The following KIR2DL1 variants were observed in gnomAD, a reference collection of about 807,000 sequenced individuals.
The protein encoded by KIR2DL1 is killer cell immunoglobulin like receptor, two Ig domains and long cytoplasmic tail 1.
KIR2DL1 carries 38 observed loss-of-function variants against 33.9 expected under a neutral mutation model. That is an observed-to-expected ratio of 1.12 (90% confidence interval 0.86 to 1.47). The LOEUF is 1.47. Ranked by LOEUF, KIR2DL1 falls within the 40% of genes most tolerant of loss-of-function variation. KIR2DL1 has a pLI of 0.00. For missense variants in KIR2DL1, 531 were observed against 433.9 expected (o/e 1.22, Z -1.99); for synonymous variants, 179 against 165.9 (o/e 1.08, Z -0.61).
At chr19:54,781,532 A>G (rs1470670056) in intron 5 of KIR2DL1, among the ~76,000 whole-genome samples, 150,333 of 150,336 alleles carry the variant, frequency 1, 75,165 homozygotes, top group Non-Finnish European at 1. Flanking sequence ...ACACTCCTTG[A>G]AGTGAGTCCA....
intron 5 of KIR2DL1, chr19:54,780,109 G>C (rs1212213316): frequency 3.1e-4 from 157 of 504,120 alleles, no homozygotes; most frequent in African/African-American, 9.2e-4. Flanking sequence ...TCACCACGTT[G>C]GCCAAGCTTG....
chr19:54,776,182 G>GCA (rs1266287824), intron 4 of KIR2DL1, among the ~76,000 whole-genome samples: 18,903 of 132,708 alleles, frequency 0.14, 231 homozygotes, highest in South Asian at 0.24. Flanking sequence ...GGGCCACCAG[G>GCA]CCCAGCCACA....
Position 54,773,527 on chromosome 19 carries a change from C to A in KIR2DL1, c.265C>A (p.Arg89Ser). The A allele has an allele frequency of 1.3e-6, 2 of 1,583,834 alleles. No individual in the cohort carries two copies. Among genetic ancestry groups the A allele is most frequent in the Non-Finnish European group, 1.7e-6 (2 of 1,155,776 alleles). The stretch of plus-strand genomic sequence containing the variant: ...CTCCAAGGCCAACTTCTCCATCAGT[C>A]GCATGACGCAAGACCTGGCAGGGAC... ...GVSKANFSISRMTQDLAGTYR... is the reference protein window; with the variant it reads ...GVSKANFSISSMTQDLAGTYR... Residue 89 changes from arginine (R) to serine (S), a missense_variant, in exon 3 of 8, where the codon CGC (arginine) becomes AGC (serine). Transcript: ENST00000336077.
intron 2 of KIR2DL1, among the ~76,000 whole-genome samples, chr19:54,772,474 T>A (rs1295361137): frequency 6.9e-6 from 1 of 145,738 alleles, no homozygotes; most frequent in Non-Finnish European, 1.5e-5. Flanking sequence ...CCTGGTGCCA[T>A]GCTTCTGATA....
intron 2 of KIR2DL1, among the ~76,000 whole-genome samples, chr19:54,772,708 A>T (rs1274873009): frequency 7.7e-6 from 1 of 129,728 alleles, no homozygotes; most frequent in African/African-American, 2.9e-5. Flanking sequence ...TCTGTCGCCA[A>T]AATTAATTAA....
At chr19:54,771,952 G>T (rs547535857) in intron 2 of KIR2DL1, among the ~76,000 whole-genome samples, 1 of 147,936 alleles carries the variant, frequency 6.8e-6, no homozygotes, top group Non-Finnish European at 1.5e-5. Context: ...CAGAGCTCCT[G>T]GTGGGCGTGT....
chr19:54,779,100 C>G (rs1391828430), intron 5 of KIR2DL1, among the ~76,000 whole-genome samples: 1 of 147,676 alleles, frequency 6.8e-6, no homozygotes, highest in Admixed American at 6.9e-5. Flanking sequence ...GAGAAAGAGC[C>G]TTGCCGTAAC....
intron 7 of KIR2DL1, 26 bp downstream of exon 7, chr19:54,783,564 T>C: frequency 6.2e-7 from 1 of 1,613,940 alleles, no homozygotes; most frequent in Non-Finnish European, 8.5e-7. Context: ...CCCGGGCTCG[T>C]GGCTACTGTT....
intron 4 of KIR2DL1, among the ~76,000 whole-genome samples, chr19:54,778,354 A>G (rs62122989): frequency 0.14 from 19,209 of 133,808 alleles, 51 homozygotes; most frequent in South Asian, 0.24. Flanking sequence ...CTTTATGCCA[A>G]TGTCATGCTA....
chr19:54,784,169 G>T lies in KIR2DL1; in HGVS notation c.*356G>T, dbSNP rs544948815. ...AACATACAAGAGGCTCCCTCTTAAC[G>T]CAGCACTTAGACACGTGTTGTTCCA... is the stretch of plus-strand genomic sequence containing the variant. On this transcript the variant is annotated 3_prime_UTR_variant, in exon 8 of 8. Coordinates refer to ENST00000336077, the MANE Select transcript of KIR2DL1 (RefSeq NM_014218.3). The T allele has an allele frequency of 1.1e-5, 5 of 455,574 alleles. No individual in the cohort carries two copies. Among genetic ancestry groups the T allele is most frequent in the Non-Finnish European group, 2.0e-5 (5 of 252,788 alleles). The allele number at this position is 455,574 out of a possible 1,614,324, so 28.2% of individuals were successfully genotyped here. A position where few individuals can be genotyped will look rare whatever the true frequency, so the allele number is the denominator to read the frequency against.
intron 4 of KIR2DL1, among the ~76,000 whole-genome samples, chr19:54,778,000 C>G (rs1396789155): frequency 6.7e-6 from 1 of 148,496 alleles, no homozygotes; most frequent in Non-Finnish European, 1.5e-5. Context: ...GTGGCTAACA[C>G]CTGCAATTTC....
At chr19:54,774,062 C>T (rs1353684057) in intron 3 of KIR2DL1, among the ~76,000 whole-genome samples, 1 of 148,648 alleles carries the variant, frequency 6.7e-6, no homozygotes, top group African/African-American at 2.5e-5. Flanking sequence ...GTGGCACCTA[C>T]AGATGCCATG....
At position 54,783,173 on chromosome 19, in the gene KIR2DL1, T is replaced by C. The variant is rs2077236749; in HGVS notation, c.817+150T>C. 4 of 916,462 alleles carry C rather than the reference T, an allele frequency of 4.4e-6. No homozygotes were observed. The Admixed American group carries it at 9.0e-5, about 21-fold the overall frequency. 56.8% of individuals were successfully genotyped at this position (916,462 alleles called of 1,614,324 possible). A position where few individuals can be genotyped will look rare whatever the true frequency, so the allele number is the denominator to read the frequency against. ...GGACTTTCTAGAGAGGGCACCAGACTCCCTGTCCCTGCCTTCAACTCACAG... is the reference window on the plus strand; with the variant it reads ...GGACTTTCTAGAGAGGGCACCAGACCCCCTGTCCCTGCCTTCAACTCACAG... On this transcript the variant is annotated intron_variant, in intron 6 of 7. Transcript: ENST00000336077.
At position 54,771,196 on chromosome 19, in the gene KIR2DL1, G is replaced by A. The variant is rs928215612; in HGVS notation, c.70+312G>A. 4.8e-4 allele frequency among the ~76,000 whole-genome samples: 72 copies of A among 148,722 alleles called. 5 individuals carry two copies. The highest frequency in any genetic ancestry group is 1.6e-3 in the African/African-American group (65 of 40,872). On this transcript the variant is annotated intron_variant, in intron 2 of 7. Coordinates refer to ENST00000336077, the MANE Select transcript of KIR2DL1 (RefSeq NM_014218.3). Reference sequence around the variant, plus strand: ...CGTTTCCATGACGGTAGGGGCTGCAGTGTGGCTGCTGTCATTCTACCAGAA... The same window carrying A: ...CGTTTCCATGACGGTAGGGGCTGCAATGTGGCTGCTGTCATTCTACCAGAA...
intron 1 of KIR2DL1, among the ~76,000 whole-genome samples, chr19:54,770,120 T>TGGAGATAGGAACCTGGAGG (rs1435482649): frequency 1.6e-5 from 2 of 127,992 alleles, no homozygotes; most frequent in South Asian, 2.4e-4. Context: ...GGGCCTGGAG[T>TGGAGATAGGAACCTGGAGG]GGAGATAGGA....
chr19:54,772,546 C>A (rs376589813), intron 2 of KIR2DL1, among the ~76,000 whole-genome samples: 2 of 134,998 alleles, frequency 1.5e-5, no homozygotes, highest in Non-Finnish European at 3.2e-5. Flanking sequence ...AGTTAAGAAA[C>A]AACACAAGGA....
chr19:54,771,183 G>A (rs988251714), intron 2 of KIR2DL1, among the ~76,000 whole-genome samples: 2,893 of 148,584 alleles, frequency 0.019, 292 homozygotes, highest in Non-Finnish European at 0.032. Context: ...TTTCCATGAC[G>A]GTAGGGGCTG....
chr19:54,770,934 T>G lies in KIR2DL1; in HGVS notation c.70+50T>G. ...GTGTCATCTCCCCACATAAGAGGATTTTCCTGAAATGGGAGGGAAGTCCTG... is the reference window on the plus strand; with the variant it reads ...GTGTCATCTCCCCACATAAGAGGATGTTCCTGAAATGGGAGGGAAGTCCTG... On this transcript the variant is annotated intron_variant, in intron 2 of 7. Transcript: ENST00000336077. The G allele has an allele frequency of 1.9e-6, 3 of 1,570,790 alleles. No individual in the cohort carries two copies. The South Asian group carries it at 3.3e-5, about 17-fold the overall frequency.
Position 54,773,384 on chromosome 19 carries a change from C to G in KIR2DL1, c.122C>G (p.Ser41Ter). The G allele has an allele frequency of 6.3e-7, 1 of 1,598,908 alleles. No individual in the cohort carries two copies. The highest frequency in any genetic ancestry group is 8.5e-7 in the Non-Finnish European group (1 of 1,170,144). ...LLAHPGRLVK[S>*]EETVILQCWS... ...GCCCACCCAGGTCGCCTGGTGAAAT[C>G]AGAAGAGACAGTCATCCTGCAGTGT... The change falls in exon 3 of 8, where the codon TCA becomes TGA. Residue 41 changes from serine to a stop codon, truncating the protein, a stop_gained. Coordinates refer to ENST00000336077, the MANE Select transcript of KIR2DL1 (RefSeq NM_014218.3). LOFTEE classifies it high-confidence loss of function.
Sources: gnomAD v4.1 joint callset for allele counts (sites outside exome capture counted in the v4.1 genomes callset) on GRCh38, gnomAD v4.1.1 for gene constraint, MANE v1.5 for transcripts, NCBI Gene and HGNC (gene_info 2026-07-23, HGNC 2026-07-21) for gene names.